The following DMTN variants were observed in gnomAD, a reference collection of about 807,000 sequenced individuals.
DMTN encodes dematin actin binding protein.
DMTN carries 27 observed loss-of-function variants against 59.4 expected under a neutral mutation model. The observed-to-expected ratio is 0.45, with a 90% CI of 0.33 to 0.63. DMTN has a LOEUF of 0.63. Among genes scored for constraint, DMTN ranks in the 20% least tolerant of loss-of-function variants. The pLI, the probability that DMTN is intolerant of heterozygous loss-of-function variation, is 0.02. For synonymous variants in DMTN, 221 were observed against 203.7 expected, an observed-to-expected ratio of 1.08 and a Z score of -0.72; for missense variants, 451 against 528.9, an observed-to-expected ratio of 0.85 and a Z score of 1.45.
At chr8:22,073,651 A>G (rs1817502385) in intron 9 of DMTN, 79 bp from the exon 10 acceptor site, 2 of 787,470 alleles carry the variant, frequency 2.5e-6, no homozygotes, top group Non-Finnish European at 3.6e-6. Flanking sequence ...AAAAAAAAAA[A>G]AGAAAGAAAA....
At chr8:22,066,576 G>A (rs879269390) in intron 1 of DMTN, 129 bp from the exon 2 acceptor site, 94 of 288,658 alleles carry the variant, frequency 3.3e-4, no homozygotes, top group Admixed American at 6.3e-4. Flanking sequence ...GTCCACGCGC[G>A]CGTTCTCCGG....
upstream of DMTN, among the ~76,000 whole-genome samples, chr8:22,054,131 C>T (rs1024220331): frequency 5.9e-5 from 9 of 152,044 alleles, no homozygotes; most frequent in South Asian, 2.1e-4. Context: ...CACAGACACA[C>T]ACACACAGCC....
intron 4 of DMTN, 57 bp from the exon 5 acceptor site, chr8:22,068,959 T>C: frequency 6.3e-7 from 1 of 1,593,256 alleles, no homozygotes; most frequent in Non-Finnish European, 8.6e-7. Flanking sequence ...TCTGGAATTC[T>C]AGGGAAGAGG....
At chr8:22,057,415 C>A (rs1585639588) in intron 1 of DMTN, among the ~76,000 whole-genome samples, 1 of 152,192 alleles carries the variant, frequency 6.6e-6, no homozygotes, top group African/African-American at 2.4e-5. Flanking sequence ...GCCTACCTAG[C>A]TGAGCAGGCC....
chr8:22,050,723 C>T (rs1046058772), upstream of DMTN, among the ~76,000 whole-genome samples: 4 of 152,174 alleles, frequency 2.6e-5, no homozygotes, highest in Non-Finnish European at 5.9e-5. Flanking sequence ...ACCCCATCCC[C>T]GAGGTATCCA....
At chr8:22,056,444 G>A (rs531887585), upstream of DMTN, among the ~76,000 whole-genome samples, 1 of 152,170 alleles carries the variant, frequency 6.6e-6, no homozygotes, top group African/African-American at 2.4e-5. Context: ...AGGTGCAGGT[G>A]CCTGGAGAAA....
In DMTN at chr8:22,058,346, G is replaced by C. The variant is rs1585663449; in HGVS notation, c.-172+1210G>C. On this transcript the variant is annotated intron_variant, in intron 1 of 15. Coordinates refer to ENST00000358242, the MANE Select transcript of DMTN (RefSeq NM_001387751.1). This position sits in a 1 kb window ranked among gnomAD's most constrained non-coding sequence, Gnocchi z 4.3. The stretch of plus-strand genomic sequence containing the variant: ...TGGAACAGGGAGGCCCTGGGATCCA[G>C]AAAGCTGAATTGAGGCTGCATCTCC... Among the ~76,000 whole-genome samples the C allele has an allele frequency of 6.6e-6, 1 of 152,170 alleles. No individual in the cohort carries two copies. The highest frequency in any genetic ancestry group is 1.5e-5 in the Non-Finnish European group (1 of 68,018).
chr8:22,072,265 G>A, intron 8 of DMTN, 61 bp from the exon 9 acceptor site: 1 of 1,540,992 alleles, frequency 6.5e-7, no homozygotes, highest in Non-Finnish European at 8.8e-7. Context: ...GCTGTGCCAT[G>A]TAAACACACA....
chr8:22,066,868 C>T lies in DMTN; in HGVS notation c.-8C>T. The T allele has an allele frequency of 2.9e-6, 4 of 1,379,450 alleles. No individual in the cohort carries two copies. The South Asian group carries it at 6.4e-5, about 22-fold the overall frequency. 85.5% of individuals were successfully genotyped at this position (1,379,450 alleles called of 1,614,324 possible). ...TGCGAGTGACCCGGCGGGCGAGCTC[C>T]GTGCTGCATGGAACGGCTGCAGAAG... On this transcript the variant is annotated 5_prime_UTR_variant, in exon 2 of 16. Transcript: ENST00000358242.
chr8:22,064,894 T>A (rs1352472041), intron 1 of DMTN, among the ~76,000 whole-genome samples: 1 of 152,200 alleles, frequency 6.6e-6, no homozygotes, highest in Non-Finnish European at 1.5e-5. Flanking sequence ...GAAGACACAG[T>A]CATTTTCAGC....
At chr8:22,064,045 G>A (rs1399547190) in intron 1 of DMTN, among the ~76,000 whole-genome samples, 3 of 152,198 alleles carry the variant, frequency 2.0e-5, no homozygotes, top group Admixed American at 1.3e-4. Flanking sequence ...TGGATTCAGG[G>A]ATGGATGGAT....
In DMTN at chr8:22,081,113, A is replaced by G. The variant is rs777264606; in HGVS notation, c.1024A>G (p.Ile342Val). The G allele has an allele frequency of 1.8e-5, 13 of 737,684 alleles. No individual in the cohort carries two copies. The African/African-American group carries it at 2.3e-4, about 13-fold the overall frequency. The allele number at this position is 737,684 out of a possible 1,614,324, so 45.7% of individuals were successfully genotyped here. ...AGATTGCCCCTCCCCCCACCCCCAG[A>G]TCTATCCCTATGAAATGCTAGTGGT... ...NSLPCVLEQKIYPYEMLVVTN... is the reference protein window; with the variant it reads ...NSLPCVLEQKVYPYEMLVVTN... The change falls in exon 15 of 16, where the codon ATC (isoleucine) becomes GTC (valine). Residue 342 changes from isoleucine to valine, a missense_variant and splice_region_variant. By Grantham distance (29) the Ile-to-Val change is conservative. Transcript: ENST00000358242.
chr8:22,081,093 G>GGGGGT lies in DMTN; in HGVS notation c.1024-20_1024-19insGGGGT. The GGGGGT allele has an allele frequency of 1.0e-5, 16 of 1,572,812 alleles. No individual in the cohort carries two copies. The highest frequency in any genetic ancestry group is 2.2e-5 in the South Asian group (2 of 89,666). On this transcript the variant is annotated intron_variant, in intron 14 of 15. Coordinates refer to ENST00000358242, the MANE Select transcript of DMTN (RefSeq NM_001387751.1). ...CAGGATATTCTGTGAGCCTAAGATT[G>GGGGGT]CCCCTCCCCCCACCCCCAGATCTAT...
At chr8:22,065,703 C>T (rs1217177846) in intron 1 of DMTN, among the ~76,000 whole-genome samples, 1 of 152,056 alleles carries the variant, frequency 6.6e-6, no homozygotes, top group African/African-American at 2.4e-5. Flanking sequence ...ATTAGCCAGG[C>T]ACACGCCTGT....
intron 1 of DMTN, among the ~76,000 whole-genome samples, chr8:22,061,304 G>T (rs932162137): frequency 6.8e-6 from 1 of 146,304 alleles, no homozygotes; most frequent in African/African-American, 2.6e-5. Context: ...AAAAAAGAAA[G>T]AAAGAAAGAA....
At chr8:22,056,006 G>A (rs1802413241), upstream of DMTN, among the ~76,000 whole-genome samples, 1 of 152,192 alleles carries the variant, frequency 6.6e-6, no homozygotes, top group Non-Finnish European at 1.5e-5. Context: ...CAGGGCGAGG[G>A]TCGAGGGCAA....
rs780947354 is a variant in DMTN at position 22,069,449 on chromosome 8, A to G, written c.325A>G (p.Ile109Val). The G allele has an allele frequency of 3.7e-6, 6 of 1,613,038 alleles. No homozygotes were observed. The Admixed American group carries it at 1.0e-4, about 27-fold the overall frequency. Residue 109 changes from isoleucine (I) to valine (V), a missense_variant, in exon 6 of 16, where the codon ATC becomes GTC. By Grantham distance (29) the Ile-to-Val change is conservative. Transcript: ENST00000358242. ...VWADSRSPGI[I>V]SQASAPRTTG... Reference sequence around the variant, plus strand: ...GGCGGACAGCCGGTCGCCTGGAATCATCTCTCAGGCCTCGGCCCCCAGAAC... The same window carrying G: ...GGCGGACAGCCGGTCGCCTGGAATCGTCTCTCAGGCCTCGGCCCCCAGAAC...
At chr8:22,072,638 T>TTTTC (rs1362488610) in intron 9 of DMTN, among the ~76,000 whole-genome samples, 188 bp downstream of exon 9, 4 of 150,196 alleles carry the variant, frequency 2.7e-5, no homozygotes, top group Admixed American at 2.6e-4. Flanking sequence ...CTAATTTTTT[T>TTTTC]TTTTTTTTGT....
At chr8:22,077,938 C>G (rs6557777) in intron 10 of DMTN, among the ~76,000 whole-genome samples, 151,689 of 152,334 alleles carry the variant, frequency 1, 75,524 homozygotes, top group Middle Eastern at 1. Context: ...ACTTATTATT[C>G]TAAGAGTGAA....
Sources: gnomAD v4.1 joint callset for allele counts (sites outside exome capture counted in the v4.1 genomes callset) on GRCh38, gnomAD v4.1.1 for gene constraint, Gnocchi (gnomAD v3.1) non-coding constraint, MANE v1.5 for transcripts, NCBI Gene and HGNC (gene_info 2026-07-23, HGNC 2026-07-21) for gene names.